The following KRT15 variants were observed in gnomAD, a reference collection of about 807,000 sequenced individuals.
KRT15 encodes keratin, type I cytoskeletal 15.
In KRT15, 45 loss-of-function variants were observed where a neutral mutation model predicts 46.6. That is an observed-to-expected ratio of 0.97 (90% confidence interval 0.76 to 1.24). KRT15 has a LOEUF of 1.24. KRT15 is among the 50% of genes most tolerant of loss of function. The probability of loss-of-function intolerance (pLI) is 0.00; values close to 1 mark genes in which losing one functional copy is unlikely to be tolerated. For synonymous variants in KRT15, 221 were observed against 233.8 expected (o/e 0.95, Z 0.50); for missense variants, 592 against 588.9 (o/e 1.01, Z -0.05).
At chr17:41,514,183 G>C (rs1459088593) in intron 7 of KRT15, 63 bp from the exon 8 acceptor site, 1 of 1,298,498 alleles carries the variant, frequency 7.7e-7, no homozygotes, top group Non-Finnish European at 1.1e-6. Context: ...CGGTGGCCAG[G>C]ACCTTGGCGG....
Position 41,518,822 on chromosome 17 carries a change from G to A in KRT15, c.6C>T (p.Thr2=), listed in dbSNP as rs148641645. The stretch of plus-strand genomic sequence containing the variant: ...AGGAAGAAGTTTGCAGAAATGTGGT[G>A]GTCATGGCCAGGTAGCTGGAGCCCG... M[T]TTFLQTSSST... The change falls in exon 1 of 8, where the codon ACC becomes ACT. Residue 2 remains threonine (T), a synonymous_variant. Transcript: ENST00000254043. The A allele has an allele frequency of 1.2e-5, 18 of 1,533,952 alleles. No individual in the cohort carries two copies. Among genetic ancestry groups the A allele is most frequent in the Middle Eastern group, 1.8e-4 (1 of 5,686 alleles).
rs377296565 is a variant in KRT15, at chr17:41,515,699, G to A, written c.1027-7C>T. 1.2e-5 allele frequency: 19 copies of A among 1,613,278 alleles called. No individual in the cohort carries two copies. The Admixed American group carries it at 2.5e-4, about 21-fold the overall frequency. On this transcript the variant is annotated splice_polypyrimidine_tract_variant and splice_region_variant and intron_variant, in intron 5 of 7. Transcript: ENST00000254043. Reference sequence around the variant, plus strand: ...AGTTCTCCAGCCCAGCTTTCTGGGGGAGTGACAGATGCATAGACACATCAG... The same window carrying A: ...AGTTCTCCAGCCCAGCTTTCTGGGGAAGTGACAGATGCATAGACACATCAG...
chr17:41,515,834 G>A (rs563494383), intron 5 of KRT15, 51 bp downstream of exon 5: 14 of 1,613,328 alleles, frequency 8.7e-6, no homozygotes, highest in East Asian at 6.7e-5. Context: ...GCCAGGAAGA[G>A]TGGGAGCTTC....
intron 7 of KRT15, chr17:41,514,321 G>A (rs1378156187): frequency 3.3e-6 from 2 of 605,498 alleles, no homozygotes; most frequent in Non-Finnish European, 5.9e-6. Context: ...ATGCCCGGCA[G>A]GGAGCAACAA....
At chr17:41,517,038 G>A in intron 2 of KRT15, 45 bp downstream of exon 2, 1 of 1,614,056 alleles carries the variant, frequency 6.2e-7, no homozygotes, top group Non-Finnish European at 8.5e-7. Context: ...AGAAGGCCAA[G>A]TAAAGTGGGC....
rs773127667 is a variant in KRT15, at chr17:41,516,099, C to T, written c.900+5G>A. 1.9e-6 allele frequency: 3 copies of T among 1,614,058 alleles called. No individual in the cohort carries two copies. The highest frequency in any genetic ancestry group is 1.7e-6 in the Non-Finnish European group (2 of 1,179,958). On this transcript the variant is annotated splice_donor_5th_base_variant and intron_variant, in intron 4 of 7. Transcript: ENST00000254043. ...AGGAAGGGCAGGGCAGGATATAAGG[C>T]CCACCTTGCTGAAGAACCAGGCCTC...
intron 1 of KRT15, 111 bp from the exon 2 acceptor site, chr17:41,517,276 C>A: frequency 2.3e-6 from 2 of 866,114 alleles, no homozygotes; most frequent in South Asian, 3.1e-5. Context: ...TGACAATCAC[C>A]CCTCTGACAC....
chr17:41,518,884 G>A lies in KRT15; in HGVS notation c.-57C>T, dbSNP rs563211483. On this transcript the variant is annotated 5_prime_UTR_variant, in exon 1 of 8. Coordinates refer to ENST00000254043, the MANE Select transcript of KRT15 (RefSeq NM_002275.4). ...CAAACCCAAGAGATGCTGGCAGGAG[G>A]TACCAGGCCAGGCTGCACGCTGGGG... is the stretch of plus-strand genomic sequence containing the variant. The A allele has an allele frequency of 5.0e-5, 76 of 1,514,794 alleles. No individual in the cohort carries two copies. In the South Asian group the frequency reaches 8.6e-4, roughly 17 times the overall value. The allele number at this position is 1,514,794 out of a possible 1,614,324, so 93.8% of individuals were successfully genotyped here.
rs373260242 is a variant in KRT15, at chr17:41,515,465, C to T, written c.1247+7G>A. 1.9e-5 allele frequency: 31 copies of T among 1,611,252 alleles called. No homozygotes were observed. Among genetic ancestry groups the T allele is most frequent in the South Asian group, 7.7e-5 (7 of 91,078 alleles). On this transcript the variant is annotated splice_region_variant and intron_variant, in intron 6 of 7. Transcript: ENST00000254043. Reference sequence around the variant, plus strand: ...CATCACTCCTTCCCCTGTGCCCAGGCGCCTACTTGGCATCCTGGCCCTCGA... The same window carrying T: ...CATCACTCCTTCCCCTGTGCCCAGGTGCCTACTTGGCATCCTGGCCCTCGA...
intron 1 of KRT15, chr17:41,517,641 T>C (rs1424754625): frequency 1.6e-5 from 3 of 185,384 alleles, no homozygotes; most frequent in Admixed American, 1.6e-4. Flanking sequence ...ATTTTACGAA[T>C]GAGGAACCCA....
At position 41,515,695 on chromosome 17, in the gene KRT15, G is replaced by T. The variant is rs111862605; in HGVS notation, c.1027-3C>A. 1 of 1,613,346 alleles carries T rather than the reference G, an allele frequency of 6.2e-7. No homozygotes were observed. The highest frequency in any genetic ancestry group is 1.7e-5 in the Admixed American group (1 of 60,016). On this transcript the variant is annotated splice_polypyrimidine_tract_variant and splice_region_variant and intron_variant, in intron 5 of 7. Coordinates refer to ENST00000254043, the MANE Select transcript of KRT15 (RefSeq NM_002275.4). ...AGTGAGTTCTCCAGCCCAGCTTTCT[G>T]GGGGAGTGACAGATGCATAGACACA...
At position 41,517,130 on chromosome 17, in the gene KRT15, G is replaced by A. The variant is rs770486454; in HGVS notation, c.534C>T (p.Ile178=). 4.3e-6 allele frequency: 7 copies of A among 1,614,046 alleles called. No homozygotes were observed. The Admixed American group carries it at 1.0e-4, about 23-fold the overall frequency. The change falls in exon 2 of 8, where the codon ATC becomes ATT. Residue 178 remains isoleucine (I), a synonymous_variant. Transcript: ENST00000254043. ...CCAGCCTGGCATTGTCGATCTCCAGGATGACCCGGGAGTTGTCGATGGTGG... is the reference window on the plus strand; with the variant it reads ...CCAGCCTGGCATTGTCGATCTCCAGAATGACCCGGGAGTTGTCGATGGTGG... The part of the protein sequence containing the change: ...MATTIDNSRV[I]LEIDNARLAA...
intron 7 of KRT15, 146 bp downstream of exon 7, chr17:41,514,503 C>T: frequency 1.4e-6 from 1 of 718,414 alleles, no homozygotes; most frequent in Non-Finnish European, 2.3e-6. Flanking sequence ...CAGAAGTTCC[C>T]ACTGGGGAAG....
chr17:41,517,134 A>C lies in KRT15; in HGVS notation c.530T>G (p.Val177Gly). The C allele has an allele frequency of 8.1e-6, 13 of 1,614,110 alleles. No homozygotes were observed. Among genetic ancestry groups the C allele is most frequent in the Non-Finnish European group, 1.1e-5 (13 of 1,180,024 alleles). ...IMATTIDNSR[V>G]ILEIDNARLA... ...CCTGGCATTGTCGATCTCCAGGATG[A>C]CCCGGGAGTTGTCGATGGTGGTGGC... Residue 177 changes from valine to glycine, a missense_variant, in exon 2 of 8, where the codon GTC becomes GGC. Coordinates refer to ENST00000254043, the MANE Select transcript of KRT15 (RefSeq NM_002275.4).
At chr17:41,518,057 G>T (rs1905475184) in intron 1 of KRT15, among the ~76,000 whole-genome samples, 1 of 152,036 alleles carries the variant, frequency 6.6e-6, no homozygotes, top group African/African-American at 2.4e-5. Flanking sequence ...ACTGCCTCTG[G>T]CTCTTTATAA....
At chr17:41,515,757 AG>A in intron 5 of KRT15, 65 bp from the exon 6 acceptor site, 1 of 1,596,442 alleles carries the variant, frequency 6.3e-7, no homozygotes, top group Non-Finnish European at 8.6e-7. Context: ...GCAAGCAGGG[AG>A]GGGGCACTGA....
In KRT15 at chr17:41,515,454, C is replaced by A. The variant is rs769672832; in HGVS notation, c.1247+18G>T. 6.2e-7 allele frequency: 1 copy of A among 1,609,744 alleles called. No homozygotes were observed. The highest frequency in any genetic ancestry group is 8.5e-7 in the Non-Finnish European group (1 of 1,177,882). The stretch of plus-strand genomic sequence containing the variant: ...CAAGCAGCCCTCATCACTCCTTCCC[C>A]TGTGCCCAGGCGCCTACTTGGCATC... On this transcript the variant is annotated intron_variant, in intron 6 of 7. Transcript: ENST00000254043.
chr17:41,515,594 C>A lies in KRT15; in HGVS notation c.1125G>T (p.Leu375=). ...QGLIGGLEAQ[L]SELRCEMEAQ... ...CCTCCATCTCGCATCGGAGCTCACT[C>A]AGCTGGGCCTCCAGGCCACCAATGA... is the stretch of plus-strand genomic sequence containing the variant. Residue 375 remains leucine (L), a synonymous_variant, in exon 6 of 8, where the codon CTG becomes CTT. Coordinates refer to ENST00000254043, the MANE Select transcript of KRT15 (RefSeq NM_002275.4). 1 of 1,614,204 alleles carries A rather than the reference C, an allele frequency of 6.2e-7. No homozygotes were observed. The highest frequency in any genetic ancestry group is 1.3e-5 in the African/African-American group (1 of 75,068).
chr17:41,515,747 G>C, intron 5 of KRT15, 55 bp from the exon 6 acceptor site: 1 of 1,599,380 alleles, frequency 6.3e-7, no homozygotes, highest in Middle Eastern at 1.7e-4. Flanking sequence ...GCCACTGAGG[G>C]CAAGCAGGGA....
Sources: allele counts gnomAD v4.1 joint callset (sites outside exome capture counted in the v4.1 genomes callset), GRCh38; gene constraint gnomAD v4.1.1; transcripts MANE v1.5; gene names NCBI Gene and HGNC (gene_info 2026-07-23, HGNC 2026-07-21).